The following FER1L6 variants were observed in gnomAD, a reference collection of about 807,000 sequenced individuals.
The protein encoded by FER1L6 is fer-1 like family member 6, also known as fer-1-like protein 6.
A neutral mutation model predicts 219.2 loss-of-function variants in FER1L6; 177 were observed. The observed-to-expected ratio is 0.81, with a 90% confidence interval of 0.71 to 0.91. The LOEUF is 0.91. Among genes scored for constraint, FER1L6 ranks in the 40% least tolerant of loss-of-function variants. The pLI is 0.00. For missense variants in FER1L6, 2,153 were observed against 2,259.9 expected (o/e 0.95, Z 0.96); for synonymous variants, 768 against 824.3 (o/e 0.93, Z 1.17).
At chr8:123,963,198 C>G (rs1250682820) in intron 2 of FER1L6, 80 bp from the exon 3 acceptor site, 2 of 1,574,648 alleles carry the variant, frequency 1.3e-6, no homozygotes, top group African/African-American at 1.3e-5. Flanking sequence ...GTGCCTGCCA[C>G]AGGGCTGGCA....
intron 2 of FER1L6, among the ~76,000 whole-genome samples, chr8:123,958,722 T>C (rs575054463): frequency 1.5e-4 from 22 of 150,592 alleles, no homozygotes; most frequent in Non-Finnish European, 2.7e-4. Flanking sequence ...AAACAGACAG[T>C]GGGCTGAAAT....
chr8:123,965,744 C>T (rs1222538336), intron 3 of FER1L6, among the ~76,000 whole-genome samples: 1 of 152,024 alleles, frequency 6.6e-6, no homozygotes, highest in Non-Finnish European at 1.5e-5. Context: ...TTATTCTTGC[C>T]AGGTACTGAG....
At chr8:124,078,821 A>T (rs1299000021) in intron 32 of FER1L6, among the ~76,000 whole-genome samples, 1 of 151,352 alleles carries the variant, frequency 6.6e-6, no homozygotes, top group Non-Finnish European at 1.5e-5. Flanking sequence ...CCACCACAGG[A>T]AGGGACCTAG....
Position 124,070,445 on chromosome 8 carries a change from ATCT to A in FER1L6, c.3835-18_3835-16del. 1.9e-6 allele frequency: 3 copies of A among 1,611,658 alleles called. No homozygotes were observed. The highest frequency in any genetic ancestry group is 2.5e-6 in the Non-Finnish European group (3 of 1,178,770). ...CTGGGCTTTCCTTCCTCTTAGCACA[ATCT>A]TCTCCCTTTTCCCTAAAGATATATG... On this transcript the variant is annotated intron_variant, in intron 29 of 40. Transcript: ENST00000522917.
chr8:123,978,546 A>T (rs897525521), intron 10 of FER1L6, among the ~76,000 whole-genome samples: 5 of 152,176 alleles, frequency 3.3e-5, no homozygotes, highest in Non-Finnish European at 5.9e-5. Flanking sequence ...CCTTCTTTAA[A>T]TTCCCAGGCA....
intron 2 of FER1L6, among the ~76,000 whole-genome samples, chr8:123,957,975 T>C (rs1815093325): frequency 6.6e-6 from 1 of 152,158 alleles, no homozygotes; most frequent in African/African-American, 2.4e-5. Context: ...TGGGGTGAAA[T>C]GTTTGGAAAC....
At chr8:124,101,519 C>T (rs1220670590) in intron 38 of FER1L6, among the ~76,000 whole-genome samples, 181 bp downstream of exon 38, 5 of 152,178 alleles carry the variant, frequency 3.3e-5, no homozygotes, top group Non-Finnish European at 7.3e-5. Flanking sequence ...GGTACATCCA[C>T]ATGATGGACC....
In FER1L6 at chr8:123,973,512, G is replaced by C. The variant is rs774337773; in HGVS notation, c.526G>C (p.Gly176Arg). Residue 176 changes from glycine to arginine, a missense_variant and splice_region_variant, in exon 7 of 41, where the codon GGT (glycine) becomes CGT (arginine). Transcript: ENST00000522917. ...VDLGTVYNQP[G>R]HQFCNKWALL... ...CCTGGGGACCGTGTACAACCAACCT[G>C]GTAAGAAAACATCACCTCCCCATCT... The C allele has an allele frequency of 1.9e-6, 3 of 1,610,696 alleles. No homozygotes were observed. Among genetic ancestry groups the C allele is most frequent in the Non-Finnish European group, 1.7e-6 (2 of 1,176,976 alleles).
intron 1 of FER1L6, among the ~76,000 whole-genome samples, chr8:123,934,654 C>T (rs1813913363): frequency 6.6e-6 from 1 of 151,946 alleles, no homozygotes; most frequent in Admixed American, 6.6e-5. Flanking sequence ...TTAAGTGGTA[C>T]CACCAGACTG....
intron 1 of FER1L6, among the ~76,000 whole-genome samples, chr8:123,942,548 C>T (rs528783047): frequency 2.0e-4 from 30 of 152,332 alleles, no homozygotes; most frequent in Admixed American, 1.2e-3. Context: ...ATCATGAAGA[C>T]GATGGGGGAG....
At chr8:124,102,638 T>C (rs537965062) in intron 38 of FER1L6, among the ~76,000 whole-genome samples, 1 of 152,302 alleles carries the variant, frequency 6.6e-6, no homozygotes, top group Non-Finnish European at 1.5e-5. Context: ...TGTTCCCTCG[T>C]TGGAAAAACA....
intron 1 of FER1L6, among the ~76,000 whole-genome samples, chr8:123,909,385 A>T (rs924538196): frequency 6.6e-6 from 1 of 152,172 alleles, no homozygotes; most frequent in Non-Finnish European, 1.5e-5. Flanking sequence ...GCGTGGGATC[A>T]TGGAGATGAC....
intron 1 of FER1L6, among the ~76,000 whole-genome samples, chr8:123,875,220 A>C (rs904610304): frequency 5.9e-5 from 9 of 152,150 alleles, no homozygotes; most frequent in Non-Finnish European, 1.2e-4. Context: ...AAAATGCCCC[A>C]AAACCTCAAA....
At chr8:123,970,189 G>A (rs1259596408) in intron 6 of FER1L6, 92 bp downstream of exon 6, 7 of 1,160,484 alleles carry the variant, frequency 6.0e-6, no homozygotes, top group East Asian at 2.4e-5. Context: ...TACTTAGCGG[G>A]GAATAGATTC....
At chr8:123,975,769 A>T (rs1250153935) in intron 8 of FER1L6, 129 bp from the exon 9 acceptor site, 1 of 740,448 alleles carries the variant, frequency 1.4e-6, no homozygotes, top group Non-Finnish European at 2.2e-6. Flanking sequence ...TCATTTCAGC[A>T]ATGAATCTTA....
intron 1 of FER1L6, among the ~76,000 whole-genome samples, chr8:123,874,144 C>T (rs1006550857): frequency 6.6e-6 from 1 of 152,206 alleles, no homozygotes; most frequent in African/African-American, 2.4e-5. Context: ...TAGAGAAAAA[C>T]ATGCCACCAT....
At chr8:124,102,121 T>A (rs1371186422) in intron 38 of FER1L6, among the ~76,000 whole-genome samples, 3 of 152,208 alleles carry the variant, frequency 2.0e-5, no homozygotes, top group African/African-American at 7.2e-5. Flanking sequence ...GAGTCTGTTC[T>A]ATGAGTCTTA....
chr8:124,085,151 T>A (rs1043484619), intron 33 of FER1L6, among the ~76,000 whole-genome samples: 1 of 152,232 alleles, frequency 6.6e-6, no homozygotes, highest in Middle Eastern at 3.4e-3. Flanking sequence ...TGTAATTTTA[T>A]TTATTTAGGA....
intron 1 of FER1L6, among the ~76,000 whole-genome samples, chr8:123,890,152 A>G (rs1416936077): frequency 3.3e-5 from 5 of 152,234 alleles, no homozygotes; most frequent in African/African-American, 1.2e-4. Flanking sequence ...TCTTTGTTCC[A>G]TACTCCATTT....
Sources: gnomAD v4.1 joint callset for allele counts (sites outside exome capture counted in the v4.1 genomes callset) on GRCh38, gnomAD v4.1.1 for gene constraint, MANE v1.5 for transcripts, NCBI Gene and HGNC (gene_info 2026-07-23, HGNC 2026-07-21) for gene names.